The following HDAC9 variants were observed in gnomAD, a reference collection of about 807,000 sequenced individuals.
The protein encoded by HDAC9 is MEF-2 interacting transcription repressor (MITR) protein.
HDAC9 carries 41 observed loss-of-function variants against 139.4 expected under a neutral mutation model. The observed-to-expected ratio is 0.29, with a 90% CI of 0.23 to 0.38. The LOEUF is 0.38. Ranked by LOEUF, HDAC9 falls within the 10% of genes least tolerant of loss-of-function variation. The probability of loss-of-function intolerance (pLI) is 1.00; values close to 1 mark genes in which losing one functional copy is unlikely to be tolerated. For synonymous variants in HDAC9, 517 were observed against 476.2 expected (o/e 1.09, Z -1.12); for missense variants, 1,147 against 1,297.0 (o/e 0.88, Z 1.78).
At chr7:18,905,662 T>G (rs1369297116) in intron 22 of HDAC9, among the ~76,000 whole-genome samples, 2 of 152,200 alleles carry the variant, frequency 1.3e-5, no homozygotes, top group African/African-American at 4.8e-5. Context: ...TATGAAAGCA[T>G]TTATTGTATG....
At chr7:18,840,688 G>A (rs1045588961) in intron 21 of HDAC9, among the ~76,000 whole-genome samples, 1 of 152,010 alleles carries the variant, frequency 6.6e-6, no homozygotes, top group Non-Finnish European at 1.5e-5. Flanking sequence ...AACCATTTGA[G>A]CACATACAAG....
At chr7:18,811,075 A>C (rs1480896009) in intron 17 of HDAC9, among the ~76,000 whole-genome samples, 3 of 151,734 alleles carry the variant, frequency 2.0e-5, no homozygotes, top group African/African-American at 7.2e-5. Flanking sequence ...AGTAATTACC[A>C]CTTTATTTGT....
chr7:18,595,454 G>A (rs1832203728), intron 6 of HDAC9, among the ~76,000 whole-genome samples: 1 of 152,030 alleles, frequency 6.6e-6, no homozygotes, highest in African/African-American at 2.4e-5. Flanking sequence ...ATAAAGGACA[G>A]GAGTTTTAGA....
At chr7:18,705,617 G>A (rs893906889) in intron 12 of HDAC9, among the ~76,000 whole-genome samples, 85 of 152,124 alleles carry the variant, frequency 5.6e-4, no homozygotes, top group African/African-American at 1.8e-3. Context: ...TTGGGAGGCC[G>A]AAACGGGCAG....
At chr7:18,203,998 G>A (rs947521959) in intron 2 of HDAC9, among the ~76,000 whole-genome samples, 1 of 152,142 alleles carries the variant, frequency 6.6e-6, no homozygotes, top group Non-Finnish European at 1.5e-5. Flanking sequence ...TGAAGCGTGT[G>A]TCCACATGGT....
intron 1 of HDAC9, among the ~76,000 whole-genome samples, chr7:18,402,566 A>T (rs1172602260): frequency 6.6e-6 from 1 of 152,172 alleles, no homozygotes; most frequent in East Asian, 1.9e-4. Flanking sequence ...TTGATTGCCA[A>T]GCTAAGGAGC....
intron 1 of HDAC9, among the ~76,000 whole-genome samples, chr7:18,113,677 G>A (rs1562633376): frequency 6.6e-6 from 1 of 152,142 alleles, no homozygotes; most frequent in Non-Finnish European, 1.5e-5. Flanking sequence ...ATTTGTATAT[G>A]TATGCTTCAA....
At chr7:18,396,429 G>T (rs1198205912) in intron 1 of HDAC9, among the ~76,000 whole-genome samples, 1 of 152,076 alleles carries the variant, frequency 6.6e-6, no homozygotes, top group Non-Finnish European at 1.5e-5. Flanking sequence ...TTCAGCACAG[G>T]ATATATAGTT....
At chr7:18,792,540 A>G (rs1792416315) in intron 16 of HDAC9, among the ~76,000 whole-genome samples, 1 of 152,132 alleles carries the variant, frequency 6.6e-6, no homozygotes, top group African/African-American at 2.4e-5. Context: ...GCATTCATGA[A>G]AAAGGGTAAA....
Position 18,191,231 on chromosome 7 carries a change from TAAG to T in HDAC9, c.25+28885_25+28887del, listed in dbSNP as rs1045980289. ...AATAAAGTAAGCTATACAAAAAAAT[TAAG>T]AAAATCATAAGGAAGGAAAGATATA... On this transcript the variant is annotated intron_variant, in intron 2 of 12. Coordinates refer to the HDAC9 transcript ENST00000417496. Among the ~76,000 whole-genome samples, 79 of 152,310 alleles carry T rather than the reference TAAG, an allele frequency of 5.2e-4. 1 individual carries two copies. The highest frequency in any genetic ancestry group is 1.9e-3 in the African/African-American group (77 of 41,588).
At chr7:18,138,529 T>G (rs980175229) in intron 1 of HDAC9, among the ~76,000 whole-genome samples, 3 of 85,568 alleles carry the variant, frequency 3.5e-5, no homozygotes, top group South Asian at 3.5e-4. Flanking sequence ...GAGAGAGAGG[T>G]GTGTGTGTGT....
chr7:18,990,495 C>G (rs1024721855), intron 25 of HDAC9, among the ~76,000 whole-genome samples: 1 of 152,248 alleles, frequency 6.6e-6, no homozygotes, highest in African/African-American at 2.4e-5. Flanking sequence ...TTACTGCTGT[C>G]TTTTTGTTTG....
intron 2 of HDAC9, among the ~76,000 whole-genome samples, chr7:18,576,656 C>CAA (rs61179284): frequency 0.16 from 14,287 of 91,668 alleles, 1,583 homozygotes; most frequent in African/African-American, 0.33. Context: ...GACTTCATGT[C>CAA]AAAAAAAAAA....
At chr7:18,857,343 G>GTGTA (rs1797764196) in intron 21 of HDAC9, among the ~76,000 whole-genome samples, 1 of 151,492 alleles carries the variant, frequency 6.6e-6, no homozygotes, top group South Asian at 2.1e-4. Context: ...AGTTGTGTGT[G>GTGTA]TGTGTGTGTG....
Position 18,996,646 on chromosome 7 carries a change from G to T in HDAC9, c.*584G>T, listed in dbSNP as rs115639425. 1 of 152,228 alleles carries T rather than the reference G, an allele frequency of 6.6e-6. No homozygotes were observed. Among genetic ancestry groups the T allele is most frequent in the African/African-American group, 2.4e-5 (1 of 41,432 alleles). The allele number at this position is 152,228 out of a possible 1,614,324, so 9.4% of individuals were successfully genotyped here. On this transcript the variant is annotated 3_prime_UTR_variant, in exon 26 of 26. Coordinates refer to ENST00000686413, the MANE Select transcript of HDAC9 (RefSeq NM_178425.4). Reference sequence around the variant, plus strand: ...CACAGTTCAACTGTTCCTAGTAAAAGTTCAAGATGGAGGAACTAGCATGAG... The same window carrying T: ...CACAGTTCAACTGTTCCTAGTAAAATTTCAAGATGGAGGAACTAGCATGAG...
At chr7:18,556,685 C>T (rs1173269186) in intron 2 of HDAC9, among the ~76,000 whole-genome samples, 1 of 152,024 alleles carries the variant, frequency 6.6e-6, no homozygotes, top group Non-Finnish European at 1.5e-5. Flanking sequence ...TTAAAAATTA[C>T]TGTCACTTAT....
intron 2 of HDAC9, among the ~76,000 whole-genome samples, chr7:18,184,356 C>T (rs1304615503): frequency 6.6e-6 from 1 of 152,126 alleles, no homozygotes; most frequent in South Asian, 2.1e-4. Context: ...GCCAAGATCT[C>T]TCCATAGCAC....
chr7:18,902,742 A>T (rs1230659127), intron 22 of HDAC9, among the ~76,000 whole-genome samples: 2 of 152,222 alleles, frequency 1.3e-5, no homozygotes, highest in East Asian at 3.9e-4. Flanking sequence ...GAATTAGCAC[A>T]TAAACAAATA....
intron 2 of HDAC9, among the ~76,000 whole-genome samples, chr7:18,192,655 C>T (rs1003552718): frequency 6.6e-6 from 1 of 152,078 alleles, no homozygotes; most frequent in South Asian, 2.1e-4. Flanking sequence ...AGTAAAATCA[C>T]GATTTTTCTT....
Sources: allele counts gnomAD v4.1 joint callset (sites outside exome capture counted in the v4.1 genomes callset), GRCh38; gene constraint gnomAD v4.1.1; transcripts MANE v1.5; gene names NCBI Gene and HGNC (gene_info 2026-07-23, HGNC 2026-07-21).